EEA1: variants seen among roughly 807,000 people sequenced by gnomAD.
The protein encoded by EEA1 is early endosome antigen 1, 162kD.
A neutral mutation model predicts 209.2 loss-of-function variants in EEA1; 111 were observed. The ratio of observed to expected loss-of-function variants is 0.53; its 90% CI spans 0.45 to 0.62. The LOEUF is 0.62. EEA1 is among the 20% of genes least tolerant of loss of function. The pLI is 0.00. For missense variants in EEA1, 1,343 were observed against 1,530.8 expected (o/e 0.88, Z 2.05); for synonymous variants, 536 against 540.6 (o/e 0.99, Z 0.12).
chr12:92,872,741 T>TC (rs1878710372), intron 2 of EEA1, among the ~76,000 whole-genome samples: 1 of 152,062 alleles, frequency 6.6e-6, no homozygotes, highest in Non-Finnish European at 1.5e-5. Flanking sequence ...TCACTTGAGG[T>TC]CAGGAGTTCG....
chr12:92,865,776 C>T (rs973080525), intron 2 of EEA1, among the ~76,000 whole-genome samples: 5 of 150,764 alleles, frequency 3.3e-5, no homozygotes, highest in Non-Finnish European at 5.9e-5. Context: ...GAATGAGTCT[C>T]GCTCCGTCAC....
At chr12:92,834,972 C>T (rs995033579) in intron 10 of EEA1, among the ~76,000 whole-genome samples, 7 of 151,710 alleles carry the variant, frequency 4.6e-5, no homozygotes, top group African/African-American at 1.7e-4. Flanking sequence ...CTCCGCCTCT[C>T]GGGGTTCACG....
intron 9 of EEA1, 24 bp downstream of exon 9, chr12:92,851,087 T>G: frequency 6.2e-7 from 1 of 1,610,670 alleles, no homozygotes; most frequent in Non-Finnish European, 8.5e-7. Context: ...ATGAATCACA[T>G]TTAAGTACAA....
chr12:92,875,306 C>T (rs980812576), intron 2 of EEA1, among the ~76,000 whole-genome samples: 3 of 152,152 alleles, frequency 2.0e-5, no homozygotes, highest in Non-Finnish European at 2.9e-5. Context: ...CATGGTGGCA[C>T]GCGCCTGTGG....
chr12:92,815,569 T>A, intron 15 of EEA1, among the ~76,000 whole-genome samples: 1 of 152,228 alleles, frequency 6.6e-6, no homozygotes, highest in East Asian at 1.9e-4. Flanking sequence ...ACTATTTCTA[T>A]AAATTTCTAT....
chr12:92,796,625 ATATT>A (rs1330187867), intron 21 of EEA1, among the ~76,000 whole-genome samples: 1 of 152,162 alleles, frequency 6.6e-6, no homozygotes, highest in Non-Finnish European at 1.5e-5. Context: ...TTTTATATAT[ATATT>A]TAAGTGTGTA....
chr12:92,929,249 A>T lies in EEA1; in HGVS notation c.-183T>A, dbSNP rs1881337540. 1 of 360,420 alleles carries T rather than the reference A, an allele frequency of 2.8e-6. No homozygotes were observed. Among genetic ancestry groups the T allele is most frequent in the Non-Finnish European group, 4.9e-6 (1 of 202,040 alleles). 22.3% of individuals were successfully genotyped at this position (360,420 alleles called of 1,614,324 possible). On this transcript the variant is annotated 5_prime_UTR_variant, in exon 1 of 29. Coordinates refer to ENST00000322349, the MANE Select transcript of EEA1 (RefSeq NM_003566.4). ...TTCCCCACAGGCGGCGAGAGGGAGCACGCGAGAGAGAGCGAGCGAACGACT... is the reference window on the plus strand; with the variant it reads ...TTCCCCACAGGCGGCGAGAGGGAGCTCGCGAGAGAGAGCGAGCGAACGACT...
intron 2 of EEA1, among the ~76,000 whole-genome samples, chr12:92,873,816 C>T (rs1174960766): frequency 6.6e-6 from 1 of 152,182 alleles, no homozygotes; most frequent in African/African-American, 2.4e-5. Flanking sequence ...ATGCATTTAT[C>T]ATTGTACCTG....
chr12:92,778,313 C>T, intron 25 of EEA1, 134 bp from the exon 26 acceptor site: 1 of 682,756 alleles, frequency 1.5e-6, no homozygotes, highest in East Asian at 2.7e-5. Context: ...TTTCATTACA[C>T]ATTAATAAAA....
Position 92,811,336 on chromosome 12 carries a change from A to G in EEA1, c.2142T>C (p.Tyr714=), listed in dbSNP as rs774357171. ...CSQLESHLKE[Y]KEKYLSLEQK... is the part of the protein sequence containing the mutation. ...GTTCTAAAGAGAGGTATTTCTCTTT[A>G]TATTCTTTAAGATGACTTTCCAGCT... is the stretch of plus-strand genomic sequence containing the variant. The change falls in exon 17 of 29, where the codon TAT becomes TAC. Residue 714 remains tyrosine, a synonymous_variant. Coordinates refer to ENST00000322349, the MANE Select transcript of EEA1 (RefSeq NM_003566.4). The G allele has an allele frequency of 3.1e-6, 5 of 1,605,802 alleles. No homozygotes were observed. The highest frequency in any genetic ancestry group is 4.3e-6 in the Non-Finnish European group (5 of 1,176,412).
intron 9 of EEA1, among the ~76,000 whole-genome samples, chr12:92,846,591 T>TA (rs1379956388): frequency 6.6e-6 from 1 of 152,214 alleles, no homozygotes; most frequent in Non-Finnish European, 1.5e-5. Context: ...GATTACAGCT[T>TA]AGATATTTTC....
intron 1 of EEA1, among the ~76,000 whole-genome samples, chr12:92,906,733 G>A (rs1023593889): frequency 6.6e-6 from 1 of 152,074 alleles, no homozygotes; most frequent in Admixed American, 6.5e-5. Context: ...AGAATGGCAT[G>A]AACCCAGGAG....
At chr12:92,923,104 T>G (rs910602159) in intron 1 of EEA1, among the ~76,000 whole-genome samples, 11 of 152,074 alleles carry the variant, frequency 7.2e-5, no homozygotes, top group Non-Finnish European at 1.6e-4. Flanking sequence ...TCCCAGCACT[T>G]TGGGAGGCTG....
intron 2 of EEA1, among the ~76,000 whole-genome samples, chr12:92,873,384 A>G (rs983450355): frequency 2.0e-5 from 3 of 152,212 alleles, no homozygotes; most frequent in East Asian, 1.9e-4. Context: ...TGAGAATATG[A>G]AGAAGAAAGT....
chr12:92,808,478 AT>A (rs775633861), intron 18 of EEA1, among the ~76,000 whole-genome samples: 10,111 of 138,952 alleles, frequency 0.073, 601 homozygotes, highest in African/African-American at 0.19. Flanking sequence ...AGCTGAGGTT[AT>A]TTTTTTTTTT....
At chr12:92,779,433 T>A in intron 24 of EEA1, 133 bp from the exon 25 acceptor site, 2 of 789,990 alleles carry the variant, frequency 2.5e-6, no homozygotes, top group Non-Finnish European at 3.7e-6. Flanking sequence ...TAAAGTTCAG[T>A]ATTTTAAAGA....
chr12:92,874,879 A>G (rs1467386575), intron 2 of EEA1, among the ~76,000 whole-genome samples: 6 of 152,252 alleles, frequency 3.9e-5, no homozygotes, highest in African/African-American at 1.4e-4. Context: ...GAAATGATAC[A>G]TGAATAAGGT....
At chr12:92,928,563 G>C (rs1881298259) in intron 1 of EEA1, among the ~76,000 whole-genome samples, 1 of 152,244 alleles carries the variant, frequency 6.6e-6, no homozygotes, top group African/African-American at 2.4e-5. Context: ...GGAGAAAGCA[G>C]GGCCGTGTGT....
intron 3 of EEA1, chr12:92,858,660 A>C: frequency 2.7e-6 from 2 of 736,998 alleles, no homozygotes. Flanking sequence ...TGCAGGATTG[A>C]GGTGCTATGC....
Sources: allele counts gnomAD v4.1 joint callset (sites outside exome capture counted in the v4.1 genomes callset), GRCh38; gene constraint gnomAD v4.1.1; transcripts MANE v1.5; gene names NCBI Gene and HGNC (gene_info 2026-07-23, HGNC 2026-07-21).